THSD7A: variants seen among roughly 807,000 people sequenced by gnomAD.
THSD7A encodes thrombospondin type 1 domain containing 7A, also known as thrombospondin type-1 domain-containing protein 7A.
THSD7A carries 96 observed loss-of-function variants against 231.3 expected under a neutral mutation model. That is an observed-to-expected ratio of 0.41 (90% CI 0.35 to 0.49). THSD7A has a LOEUF of 0.49. Among genes scored for constraint, THSD7A ranks in the 20% least tolerant of loss-of-function variants. The probability of loss-of-function intolerance (pLI) is 0.05; values close to 1 mark genes in which losing one functional copy is unlikely to be tolerated. For missense variants in THSD7A, 2,290 were observed against 2,070.2 expected, an observed-to-expected ratio of 1.11 and a Z score of -2.06; for synonymous variants, 940 against 743.3, an observed-to-expected ratio of 1.26 and a Z score of -4.30.
Position 11,564,430 on chromosome 7 carries a change from C to T in THSD7A, c.1454-21313G>A, listed in dbSNP as rs187609637. Among the ~76,000 whole-genome samples, 606 of 152,294 alleles carry T rather than the reference C, an allele frequency of 4.0e-3. 12 individuals carry two copies. Among genetic ancestry groups the T allele is most frequent in the Non-Finnish European group, 7.9e-4 (54 of 68,022 alleles). On this transcript the variant is annotated intron_variant, in intron 4 of 27. Transcript: ENST00000423059. Reference sequence around the variant, plus strand: ...TCAGCAAGTTAGGAGGATATTTGAGCGATGGGTCCTGACTGCCCTTGCCTT... The same window carrying T: ...TCAGCAAGTTAGGAGGATATTTGAGTGATGGGTCCTGACTGCCCTTGCCTT...
chr7:11,804,728 C>T (rs1462320296), intron 1 of THSD7A, among the ~76,000 whole-genome samples: 1 of 152,162 alleles, frequency 6.6e-6, no homozygotes, highest in Admixed American at 6.5e-5. Flanking sequence ...CTTATGCCAC[C>T]TTTAATGCTT....
chr7:11,553,776 A>C (rs1199980599), intron 4 of THSD7A, among the ~76,000 whole-genome samples: 2 of 152,012 alleles, frequency 1.3e-5, no homozygotes, highest in East Asian at 3.9e-4. Flanking sequence ...GTGGTTCTGA[A>C]ATATTCTTGT....
At chr7:11,597,085 G>C (rs76247954) in intron 2 of THSD7A, among the ~76,000 whole-genome samples, 3 of 152,204 alleles carry the variant, frequency 2.0e-5, no homozygotes, top group African/African-American at 7.2e-5. Context: ...ATTAGATCCA[G>C]TGAGATCTAG....
intron 1 of THSD7A, among the ~76,000 whole-genome samples, chr7:11,691,668 T>C (rs1056859066): frequency 6.6e-6 from 1 of 151,438 alleles, no homozygotes; most frequent in African/African-American, 2.4e-5. Context: ...TAATATTCTA[T>C]GTAAAATTCA....
chr7:11,672,767 T>C (rs1390704683), intron 1 of THSD7A, among the ~76,000 whole-genome samples: 1 of 152,210 alleles, frequency 6.6e-6, no homozygotes, highest in African/African-American at 2.4e-5. Context: ...AGGAAATATG[T>C]GAACTCTAGC....
intron 1 of THSD7A, among the ~76,000 whole-genome samples, chr7:11,662,652 T>C (rs755544185): frequency 1.3e-5 from 2 of 151,386 alleles, no homozygotes; most frequent in Non-Finnish European, 3.0e-5. Context: ...TTGACCAAGA[T>C]TGGTCATCTG....
At chr7:11,526,731 A>G (rs1304017162) in intron 6 of THSD7A, among the ~76,000 whole-genome samples, 2 of 152,112 alleles carry the variant, frequency 1.3e-5, no homozygotes, top group East Asian at 1.9e-4. Flanking sequence ...GCCATGTAAG[A>G]CATGCCTTGC....
chr7:11,717,062 G>T (rs113335391), intron 1 of THSD7A, among the ~76,000 whole-genome samples: 1 of 147,754 alleles, frequency 6.8e-6, no homozygotes, highest in Non-Finnish European at 1.5e-5. Flanking sequence ...ATTCTTTTTC[G>T]TAGTAATGTG....
At position 11,473,073 on chromosome 7, in the gene THSD7A, T is replaced by C. The variant is rs190914476; in HGVS notation, c.2252+1261A>G. Among the ~76,000 whole-genome samples the C allele has an allele frequency of 1.4e-4, 22 of 152,312 alleles. No individual in the cohort carries two copies. In the East Asian group the frequency reaches 3.9e-3, roughly 27 times the overall value. On this transcript the variant is annotated intron_variant, in intron 8 of 27. Coordinates refer to ENST00000423059, the MANE Select transcript of THSD7A (RefSeq NM_015204.3). ...TTGGTTTGAGGTTACCTATTAAACA[T>C]GTGAAATAGTCTTTCAATTTATTCA... is the stretch of plus-strand genomic sequence containing the variant.
At chr7:11,464,689 A>G (rs906274804) in intron 9 of THSD7A, among the ~76,000 whole-genome samples, 2 of 152,110 alleles carry the variant, frequency 1.3e-5, no homozygotes, top group Non-Finnish European at 2.9e-5. Flanking sequence ...ATTCTTATGA[A>G]AAGTTCAAAT....
intron 6 of THSD7A, chr7:11,520,233 A>G (rs1239656050): frequency 6.6e-6 from 1 of 152,178 alleles, no homozygotes; most frequent in African/African-American, 2.4e-5. Context: ...AACTGTTTGC[A>G]AGCTGCACAA....
intron 6 of THSD7A, among the ~76,000 whole-genome samples, chr7:11,486,368 C>A (rs6955299): frequency 0.74 from 113,191 of 152,122 alleles, 42,163 homozygotes; most frequent in South Asian, 0.83. Context: ...ATTTATACTC[C>A]TCTATTTGGA....
intron 2 of THSD7A, among the ~76,000 whole-genome samples, chr7:11,594,139 C>T (rs926696897): frequency 6.6e-6 from 1 of 152,152 alleles, no homozygotes; most frequent in East Asian, 1.9e-4. Context: ...ACATCTTTCT[C>T]CCGTGCTAGA....
chr7:11,396,378 T>C (rs575189831), intron 23 of THSD7A, among the ~76,000 whole-genome samples: 1 of 151,890 alleles, frequency 6.6e-6, no homozygotes, highest in Non-Finnish European at 1.5e-5. Context: ...AATTTAGATA[T>C]ATGGCTAGCC....
intron 11 of THSD7A, among the ~76,000 whole-genome samples, chr7:11,456,646 G>T (rs1034577130): frequency 6.6e-6 from 1 of 151,948 alleles, no homozygotes; most frequent in South Asian, 2.1e-4. Flanking sequence ...TTCTGTAAAA[G>T]ACTACATGGT....
At chr7:11,381,824 A>G (rs1278379200) in intron 24 of THSD7A, among the ~76,000 whole-genome samples, 1 of 152,160 alleles carries the variant, frequency 6.6e-6, no homozygotes, top group Non-Finnish European at 1.5e-5. Context: ...TCCTCCTTCA[A>G]GGGGTCCTTA....
At chr7:11,421,279 T>G (rs1784133265) in intron 16 of THSD7A, among the ~76,000 whole-genome samples, 1 of 152,174 alleles carries the variant, frequency 6.6e-6, no homozygotes, top group South Asian at 2.1e-4. Context: ...CCCTTGCTGT[T>G]CTCATGATAG....
chr7:11,568,292 C>A (rs997633887), intron 4 of THSD7A, among the ~76,000 whole-genome samples: 1 of 151,872 alleles, frequency 6.6e-6, no homozygotes. Flanking sequence ...ACTCTGCTGA[C>A]CTTCTGCATA....
At chr7:11,400,193 G>A (rs1783349612) in intron 23 of THSD7A, among the ~76,000 whole-genome samples, 1 of 149,564 alleles carries the variant, frequency 6.7e-6, no homozygotes, top group South Asian at 2.2e-4. Context: ...GATAGCATTA[G>A]AAGATATACC....
Sources: allele counts gnomAD v4.1 joint callset (sites outside exome capture counted in the v4.1 genomes callset), GRCh38; gene constraint gnomAD v4.1.1; transcripts MANE v1.5; gene names NCBI Gene and HGNC (gene_info 2026-07-23, HGNC 2026-07-21).